The following MLLT3 variants were observed in gnomAD, a reference collection of about 807,000 sequenced individuals.
MLLT3 encodes the protein MLLT3 super elongation complex subunit.
In MLLT3, 4 loss-of-function variants were observed where a neutral mutation model predicts 53.2. The observed-to-expected ratio is 0.08, with a 90% CI of 0.04 to 0.17. The LOEUF is 0.17. MLLT3 is among the 10% of genes least tolerant of loss of function. The pLI is 1.00. For missense variants in MLLT3, 569 were observed against 684.0 expected (o/e 0.83, Z 1.87); for synonymous variants, 283 against 230.6 (o/e 1.23, Z -2.06).
At chr9:20,486,675 G>C (rs1324474278) in intron 2 of MLLT3, among the ~76,000 whole-genome samples, 1 of 152,108 alleles carries the variant, frequency 6.6e-6, no homozygotes, top group Non-Finnish European at 1.5e-5. Context: ...AAGACACGTG[G>C]CAACAAATGT....
At chr9:20,374,214 T>A (rs1039753501) in intron 5 of MLLT3, among the ~76,000 whole-genome samples, 1 of 152,078 alleles carries the variant, frequency 6.6e-6, no homozygotes, top group African/African-American at 2.4e-5. Flanking sequence ...GAGATCCCCA[T>A]CTCTACAAAA....
At chr9:20,356,822 A>C (rs1821182248) in intron 8 of MLLT3, among the ~76,000 whole-genome samples, 1 of 152,226 alleles carries the variant, frequency 6.6e-6, no homozygotes, top group African/African-American at 2.4e-5. Context: ...GCTACAGCAC[A>C]GAAGGCCAAA....
chr9:20,586,452 G>A (rs889595181), intron 2 of MLLT3, among the ~76,000 whole-genome samples: 1 of 151,308 alleles, frequency 6.6e-6, no homozygotes. Context: ...TCCCAAAAGT[G>A]ATATCACTGA....
rs1820858892 is a variant in MLLT3 at position 20,346,104 on chromosome 9, A to C, written c.*339T>G. 1 of 283,620 alleles carries C rather than the reference A, an allele frequency of 3.5e-6. No individual in the cohort carries two copies. Among genetic ancestry groups the C allele is most frequent in the African/African-American group, 2.2e-5 (1 of 46,206 alleles). The allele number at this position is 283,620 out of a possible 1,614,324, so 17.6% of individuals were successfully genotyped here. A position where few individuals can be genotyped will look rare whatever the true frequency, so the allele number is the denominator to read the frequency against. ...CGTCCTGTGGAATGAACCACCACAG[A>C]GAGATACATGATACCATACACATTC... On this transcript the variant is annotated 3_prime_UTR_variant, in exon 11 of 11. Coordinates refer to ENST00000380338, the MANE Select transcript of MLLT3 (RefSeq NM_004529.4).
intron 2 of MLLT3, among the ~76,000 whole-genome samples, chr9:20,578,520 G>GA (rs1224863278): frequency 6.6e-6 from 1 of 151,414 alleles, no homozygotes; most frequent in Non-Finnish European, 1.5e-5. Flanking sequence ...TAAAAAAAAA[G>GA]AAAAAGAAAA....
chr9:20,537,350 T>C (rs749941606), intron 2 of MLLT3, among the ~76,000 whole-genome samples: 4 of 152,322 alleles, frequency 2.6e-5, no homozygotes, highest in East Asian at 1.9e-4. Context: ...GTTACGGAAA[T>C]GTACAATTTA....
At chr9:20,581,238 T>C (rs749957544) in intron 2 of MLLT3, among the ~76,000 whole-genome samples, 22 of 152,178 alleles carry the variant, frequency 1.4e-4, no homozygotes, top group Non-Finnish European at 3.1e-4. Context: ...GAGTGGTAAG[T>C]TAGTGTTTAT....
intron 2 of MLLT3, among the ~76,000 whole-genome samples, chr9:20,582,156 C>T (rs565968620): frequency 2.8e-4 from 42 of 152,264 alleles, no homozygotes; most frequent in African/African-American, 9.4e-4. Flanking sequence ...CTACCTGGCT[C>T]TCATTTTCCC....
At chr9:20,603,494 G>C (rs1011592171) in intron 2 of MLLT3, among the ~76,000 whole-genome samples, 2 of 152,018 alleles carry the variant, frequency 1.3e-5, no homozygotes, top group African/African-American at 4.8e-5. Context: ...CTCAATGTGA[G>C]TGATAAAAAT....
chr9:20,451,124 C>T (rs543186160), intron 3 of MLLT3, among the ~76,000 whole-genome samples: 1 of 152,268 alleles, frequency 6.6e-6, no homozygotes, highest in South Asian at 2.1e-4. Context: ...CTTTGAAAGG[C>T]ATATTGCTAA....
intron 5 of MLLT3, among the ~76,000 whole-genome samples, chr9:20,388,404 T>A (rs922287166): frequency 6.6e-6 from 1 of 151,960 alleles, no homozygotes; most frequent in Non-Finnish European, 1.5e-5. Flanking sequence ...CTGGCTAACA[T>A]GGTGAAACCC....
At chr9:20,617,390 G>A (rs999761681) in intron 2 of MLLT3, among the ~76,000 whole-genome samples, 4 of 152,044 alleles carry the variant, frequency 2.6e-5, no homozygotes, top group Non-Finnish European at 5.9e-5. Flanking sequence ...AAGGACTAAG[G>A]CTACAAATAA....
intron 2 of MLLT3, among the ~76,000 whole-genome samples, chr9:20,597,238 C>G (rs1474037258): frequency 6.6e-6 from 1 of 151,838 alleles, no homozygotes; most frequent in South Asian, 2.1e-4. Context: ...GGAGAGTACC[C>G]AGTACTCAGC....
chr9:20,501,575 C>A (rs1377191169), intron 2 of MLLT3, among the ~76,000 whole-genome samples: 2 of 151,270 alleles, frequency 1.3e-5, no homozygotes, highest in African/African-American at 4.9e-5. Flanking sequence ...CAAGGTGAAA[C>A]CCCGTCTCTA....
intron 5 of MLLT3, among the ~76,000 whole-genome samples, chr9:20,381,948 G>A (rs953585067): frequency 2.6e-5 from 4 of 151,714 alleles, no homozygotes; most frequent in African/African-American, 7.3e-5. Context: ...TATTTAATAC[G>A]ATAATCATGA....
chr9:20,610,557 C>G (rs768996290), intron 2 of MLLT3, among the ~76,000 whole-genome samples: 13 of 151,990 alleles, frequency 8.6e-5, no homozygotes, highest in Non-Finnish European at 1.5e-4. Context: ...ATTCTAAAAC[C>G]CTTTTTCTGA....
intron 2 of MLLT3, among the ~76,000 whole-genome samples, chr9:20,464,089 T>C (rs1824177173): frequency 6.6e-6 from 1 of 152,080 alleles, no homozygotes; most frequent in East Asian, 1.9e-4. Context: ...AAAACAAACC[T>C]TGGGACAGCC....
intron 2 of MLLT3, among the ~76,000 whole-genome samples, chr9:20,551,643 C>A (rs1156666808): frequency 6.6e-6 from 1 of 152,112 alleles, no homozygotes; most frequent in African/African-American, 2.4e-5. Context: ...GAAAAAAAAA[C>A]TTGCTCATTG....
intron 2 of MLLT3, among the ~76,000 whole-genome samples, chr9:20,561,234 T>A (rs1274421891): frequency 6.6e-6 from 1 of 152,056 alleles, no homozygotes; most frequent in East Asian, 1.9e-4. Context: ...TTATATACAC[T>A]GAGACCAGCA....
Sources: gnomAD v4.1 joint callset for allele counts (sites outside exome capture counted in the v4.1 genomes callset) on GRCh38, gnomAD v4.1.1 for gene constraint, MANE v1.5 for transcripts, NCBI Gene and HGNC (gene_info 2026-07-23, HGNC 2026-07-21) for gene names.